The following PPM1H variants were observed in gnomAD, a reference collection of about 807,000 sequenced individuals.
PPM1H encodes the protein protein phosphatase 1H.
A neutral mutation model predicts 54.9 loss-of-function variants in PPM1H; 27 were observed. That is an observed-to-expected ratio of 0.49 (90% CI 0.36 to 0.68). The LOEUF is 0.68. Among genes scored for constraint, PPM1H ranks in the 30% least tolerant of loss-of-function variants. PPM1H has a pLI of 0.00. For synonymous variants in PPM1H, 305 were observed against 270.8 expected (o/e 1.13, Z -1.24); for missense variants, 596 against 667.8 (o/e 0.89, Z 1.19).
chr12:62,913,185 G>T, intron 1 of PPM1H, among the ~76,000 whole-genome samples: 1 of 152,052 alleles, frequency 6.6e-6, no homozygotes, highest in Non-Finnish European at 1.5e-5. Flanking sequence ...AGAAAGCTTG[G>T]GGAACATCAG....
chr12:62,746,518 C>T (rs1357716580), intron 4 of PPM1H, among the ~76,000 whole-genome samples: 1 of 152,198 alleles, frequency 6.6e-6, no homozygotes, highest in Non-Finnish European at 1.5e-5. Flanking sequence ...CCCAGACAGC[C>T]ACCCAGGAGT....
intron 1 of PPM1H, among the ~76,000 whole-genome samples, chr12:62,845,257 C>T (rs1484177778): frequency 1.3e-5 from 2 of 152,176 alleles, no homozygotes; most frequent in Non-Finnish European, 2.9e-5. Context: ...AGTAGAATTC[C>T]CTTCACTGGA....
chr12:62,745,101 C>T (rs1011857625), intron 4 of PPM1H, among the ~76,000 whole-genome samples: 3 of 152,068 alleles, frequency 2.0e-5, no homozygotes, highest in African/African-American at 7.3e-5. Context: ...CCTAACTGAC[C>T]ACCTCGACAC....
Position 62,648,269 on chromosome 12 carries a change from C to T in PPM1H, c.*220G>A. ...ACTGAAATACAACAACACTTGGTAG[C>T]AGCCTTTGTGTTTTGCTCTTGTTGA... is the stretch of plus-strand genomic sequence containing the variant. On this transcript the variant is annotated 3_prime_UTR_variant, in exon 10 of 10. Transcript: ENST00000228705. The T allele has an allele frequency of 1.9e-6, 1 of 530,802 alleles. No homozygotes were observed. Among genetic ancestry groups the T allele is most frequent in the Non-Finnish European group, 3.3e-6 (1 of 300,160 alleles). 32.9% of individuals were successfully genotyped at this position (530,802 alleles called of 1,614,324 possible). A position where few individuals can be genotyped will look rare whatever the true frequency, so the allele number is the denominator to read the frequency against.
At chr12:62,764,896 G>A (rs756589370) in intron 4 of PPM1H, among the ~76,000 whole-genome samples, 4 of 152,232 alleles carry the variant, frequency 2.6e-5, no homozygotes, top group African/African-American at 7.2e-5. Context: ...GCATGGTGGC[G>A]GATGCTCGGC....
chr12:62,922,743 C>G (rs1017132688), intron 1 of PPM1H, among the ~76,000 whole-genome samples: 5 of 152,172 alleles, frequency 3.3e-5, no homozygotes, highest in African/African-American at 1.2e-4. Context: ...TGAGCGGGTA[C>G]TCTGCTTTCC....
chr12:62,667,372 ATAT>A lies in PPM1H; in HGVS notation c.1246-46_1246-44del. On this transcript the variant is annotated intron_variant, in intron 8 of 9. Coordinates refer to ENST00000228705, the MANE Select transcript of PPM1H (RefSeq NM_020700.2). ...TACTACCACTTAAGAAATTGGAAGC[ATAT>A]TATTCTCCCTAACAAACTGACTTCT... 2.1e-6 allele frequency: 3 copies of A among 1,461,810 alleles called. No homozygotes were observed. The South Asian group carries it at 3.9e-5, about 19-fold the overall frequency. 90.6% of individuals were successfully genotyped at this position (1,461,810 alleles called of 1,614,324 possible).
chr12:62,900,737 A>C (rs575040060), intron 1 of PPM1H, among the ~76,000 whole-genome samples: 1 of 152,144 alleles, frequency 6.6e-6, no homozygotes, highest in South Asian at 2.1e-4. Flanking sequence ...TGATTTTACA[A>C]AAAGGGAAGC....
chr12:62,766,874 T>A (rs182120566), intron 4 of PPM1H, among the ~76,000 whole-genome samples: 31 of 152,322 alleles, frequency 2.0e-4, no homozygotes, highest in Middle Eastern at 3.4e-3. Context: ...AAATCCTTCC[T>A]ATATACTGTT....
intron 2 of PPM1H, among the ~76,000 whole-genome samples, chr12:62,823,275 C>A (rs1037747471): frequency 3.9e-5 from 6 of 152,258 alleles, no homozygotes; most frequent in Admixed American, 3.9e-4. Context: ...CAAAGAAAGT[C>A]CAGAACCAGA....
At chr12:62,754,978 C>T (rs1010193465) in intron 4 of PPM1H, among the ~76,000 whole-genome samples, 7 of 152,146 alleles carry the variant, frequency 4.6e-5, no homozygotes, top group East Asian at 1.9e-4. Context: ...CTCTCTACCA[C>T]GCAGGTCAAT....
In PPM1H at chr12:62,731,206, G is replaced by A. The variant is rs1192217909; in HGVS notation, c.954+6296C>T. Among the ~76,000 whole-genome samples, 5 of 152,284 alleles carry A rather than the reference G, an allele frequency of 3.3e-5. No homozygotes were observed. The East Asian group carries it at 9.6e-4, about 29-fold the overall frequency. Reference sequence around the variant, plus strand: ...CTGCCATTTTATAATTAGAAAATTTGAACCTCATATGCCATTTTATGAAAG... The same window carrying A: ...CTGCCATTTTATAATTAGAAAATTTAAACCTCATATGCCATTTTATGAAAG... On this transcript the variant is annotated intron_variant, in intron 5 of 9. Transcript: ENST00000228705.
chr12:62,830,953 A>G (rs4763038), intron 2 of PPM1H, among the ~76,000 whole-genome samples: 42,429 of 151,326 alleles, frequency 0.28, 7,351 homozygotes, highest in African/African-American at 0.49. Flanking sequence ...TCCTGGGTTC[A>G]CGCCATTCTC....
At chr12:62,838,819 G>C in intron 1 of PPM1H, among the ~76,000 whole-genome samples, 1 of 129,250 alleles carries the variant, frequency 7.7e-6, no homozygotes, top group Non-Finnish European at 1.6e-5. Context: ...TACTCGGGAG[G>C]CTGAGGCAGG....
At chr12:62,931,618 T>C (rs968997527) in intron 1 of PPM1H, among the ~76,000 whole-genome samples, 1 of 152,216 alleles carries the variant, frequency 6.6e-6, no homozygotes, top group Non-Finnish European at 1.5e-5. Context: ...TTTAATCTAC[T>C]GTAGAGAACG....
chr12:62,739,294 G>A (rs943277322), intron 4 of PPM1H, among the ~76,000 whole-genome samples: 1 of 152,152 alleles, frequency 6.6e-6, no homozygotes, highest in Non-Finnish European at 1.5e-5. Context: ...TCACAAATCA[G>A]TGTGAATTAA....
intron 9 of PPM1H, among the ~76,000 whole-genome samples, chr12:62,655,145 T>G (rs776877822): frequency 6.6e-5 from 10 of 152,138 alleles, no homozygotes; most frequent in Non-Finnish European, 1.0e-4. Flanking sequence ...TAGGGGAAGA[T>G]GAAGTCACTC....
At chr12:62,832,370 A>G in intron 1 of PPM1H, 91 bp from the exon 2 acceptor site, 4 of 1,259,280 alleles carry the variant, frequency 3.2e-6, no homozygotes, top group Non-Finnish European at 4.4e-6. Context: ...AGTCTCTACA[A>G]CTGGCCCAGA....
At chr12:62,814,119 A>G (rs929096555) in intron 2 of PPM1H, among the ~76,000 whole-genome samples, 1 of 152,130 alleles carries the variant, frequency 6.6e-6, no homozygotes, top group Non-Finnish European at 1.5e-5. Flanking sequence ...TTGCTCTGTC[A>G]CCCAAGCTGG....
Sources: gnomAD v4.1 joint callset for allele counts (sites outside exome capture counted in the v4.1 genomes callset) on GRCh38, gnomAD v4.1.1 for gene constraint, MANE v1.5 for transcripts, NCBI Gene and HGNC (gene_info 2026-07-23, HGNC 2026-07-21) for gene names.